Variants in HELZ2 observed in about 807,000 individuals in gnomAD.
HELZ2 encodes 3'-5' exoribonuclease HELZ2.
A neutral mutation model predicts 208.8 loss-of-function variants in HELZ2; 143 were observed. The ratio of observed to expected loss-of-function variants is 0.68; its 90% confidence interval spans 0.60 to 0.79. The LOEUF (loss-of-function observed/expected upper bound fraction) is 0.79, where lower values mean the gene tolerates loss of function less well. HELZ2 is among the 30% of genes least tolerant of loss of function. The pLI, the probability that HELZ2 is intolerant of heterozygous loss-of-function variation, is 0.00. For missense variants in HELZ2, 3,690 were observed against 3,794.5 expected (o/e 0.97, Z 0.72); for synonymous variants, 1,705 against 1,693.7 (o/e 1.01, Z -0.16).
chr20:63,562,211 G>A lies in HELZ2; in HGVS notation c.6398-8C>T, dbSNP rs1019789843. On this transcript the variant is annotated splice_region_variant and splice_polypyrimidine_tract_variant and intron_variant, in intron 9 of 18. Coordinates refer to ENST00000467148, the Ensembl canonical transcript of HELZ2. Reference sequence around the variant, plus strand: ...GGAACCTGCTGGGGATCACTGAGAGGGGGCAGCCTCCCTGAGCACTCATGC... The same window carrying A: ...GGAACCTGCTGGGGATCACTGAGAGAGGGCAGCCTCCCTGAGCACTCATGC... 6 of 1,611,690 alleles carry A rather than the reference G, an allele frequency of 3.7e-6. No individual in the cohort carries two copies. Among genetic ancestry groups the A allele is most frequent in the Non-Finnish European group, 3.4e-6 (4 of 1,179,672 alleles).
chr20:63,563,565 A>C (rs1463707587), exon 8 of HELZ2: 5 of 1,523,410 alleles, frequency 3.3e-6, no homozygotes. Context: ...AGCCGGAAGC[A>C]GCGGGAGCCC....
Position 63,561,813 on chromosome 20 carries a change from C to A in HELZ2, c.6691+10G>T. Reference sequence around the variant, plus strand: ...CTCCCCAAAGGCCCCCACCGCCGACCCCGGCGCACCTGCCAGGACATCCAC... The same window carrying A: ...CTCCCCAAAGGCCCCCACCGCCGACACCGGCGCACCTGCCAGGACATCCAC... On this transcript the variant is annotated intron_variant, in intron 11 of 18. Transcript: ENST00000467148. The A allele has an allele frequency of 6.4e-7, 1 of 1,555,498 alleles. No homozygotes were observed.
At chr20:63,559,188 T>TGGGGAGGGTG, downstream of HELZ2, 1 of 846,838 alleles carries the variant, frequency 1.2e-6, no homozygotes, top group South Asian at 2.6e-5. Context: ...GTGGGGAGGG[T>TGGGGAGGGTG]GGGGGGGCCC....
exon 17 of HELZ2, chr20:63,560,283 G>A: frequency 6.4e-7 from 1 of 1,562,594 alleles, no homozygotes; most frequent in Non-Finnish European, 8.6e-7. Flanking sequence ...CGATGTCCTG[G>A]GGCTCTACGG....
Position 63,569,577 on chromosome 20 carries a change from T to C in HELZ2, c.659A>G (p.Tyr220Cys), listed in dbSNP as rs202235461. The stretch of plus-strand genomic sequence containing the variant: ...CACACGGAAGCGCTCACCCCGTGCG[T>C]AGAGCCGGCCTGGCGGGAGGCCGGG... Residue 220 changes from tyrosine (Y) to cysteine (C), a missense_variant, in exon 4 of 19, where the codon TAC becomes TGC. Around this residue, in one of 3 missense-constraint regions of HELZ2, gnomAD observed 1,119 missense variants for 1,193.4 expected, o/e 0.94. Transcript: ENST00000467148. 5.0e-4 allele frequency: 795 copies of C among 1,587,916 alleles called. 1 individual carries two copies. The highest frequency in any genetic ancestry group is 6.0e-4 in the Non-Finnish European group (703 of 1,168,396).
rs369000582 is a variant in HELZ2 at position 63,564,570 on chromosome 20, G to A, written c.4252C>T (p.Leu1418Phe). 1,331 of 1,568,282 alleles carry A rather than the reference G, an allele frequency of 8.5e-4. 24 individuals carry two copies. In the South Asian group the frequency reaches 0.015, roughly 17 times the overall value. ...GCCAGGCGGTCCCGGCCAGGCAGGA[G>A]GCTGAGGACGTCCTGGCAGAGGCTG... is the stretch of plus-strand genomic sequence containing the variant. Residue 1418 changes from leucine (L) to phenylalanine (F), a missense_variant, in exon 8 of 19, where the codon CTC becomes TTC. Coordinates refer to ENST00000467148, the Ensembl canonical transcript of HELZ2.
At chr20:63,566,433 C>T (rs1164587136) in exon 7 of HELZ2, 10 of 1,548,324 alleles carry the variant, frequency 6.5e-6, no homozygotes, top group Admixed American at 2.0e-5. Context: ...GCCTCCTCAG[C>T]TCCTGCCTCA....
At chr20:63,565,155 C>G in exon 8 of HELZ2, 1 of 1,595,600 alleles carries the variant, frequency 6.3e-7, no homozygotes, top group East Asian at 2.3e-5. Flanking sequence ...ATCTTGGTCA[C>G]GGAGCCATTG....
chr20:63,568,368 G>A, exon 5 of HELZ2: 1 of 1,610,198 alleles, frequency 6.2e-7, no homozygotes, highest in Admixed American at 1.7e-5. Flanking sequence ...CTGTTGGTGT[G>A]TGTGCAGATG....
chr20:63,564,758 T>G (rs777183607), exon 8 of HELZ2: 1 of 1,611,886 alleles, frequency 6.2e-7, no homozygotes, highest in African/African-American at 1.3e-5. Flanking sequence ...ACTGAGGGCA[T>G]CATCGAGGTT....
chr20:63,565,071 C>T (rs2082936367), exon 8 of HELZ2: 1 of 1,563,268 alleles, frequency 6.4e-7, no homozygotes, highest in African/African-American at 1.4e-5. Context: ...CTCTCAAGCC[C>T]CACACGCTGC....
intron 5 of HELZ2, 171 bp downstream of exon 6, chr20:63,568,187 G>A (rs538752807): frequency 3.9e-5 from 24 of 622,894 alleles, no homozygotes; most frequent in African/African-American, 1.7e-4. Flanking sequence ...CAGCAGACCC[G>A]GCCACCCTCG....
rs2082866483 is a variant in HELZ2 at position 63,559,921 on chromosome 20, C to T, written c.7825+7G>A. The stretch of plus-strand genomic sequence containing the variant: ...CCCACCCTGGAAGAGCCCAGCCCCG[C>T]CCTCACCGATCAGGCAGAGCCCCTC... On this transcript the variant is annotated splice_region_variant and intron_variant, in intron 18 of 18. Transcript: ENST00000467148. 5 of 1,608,164 alleles carry T rather than the reference C, an allele frequency of 3.1e-6. No homozygotes were observed. The highest frequency in any genetic ancestry group is 4.2e-6 in the Non-Finnish European group (5 of 1,179,894).
intron 7 of HELZ2, 72 bp downstream of exon 8, chr20:63,566,306 G>T: frequency 6.6e-7 from 1 of 1,512,166 alleles, no homozygotes; most frequent in Non-Finnish European, 8.9e-7. Flanking sequence ...CCGATGCCAG[G>T]CTGAGGAGTG....
upstream of HELZ2, among the ~76,000 whole-genome samples, chr20:63,573,551 G>C (rs2083032966): frequency 6.6e-6 from 1 of 152,124 alleles, no homozygotes. This position sits in a 1 kb window ranked among gnomAD's most constrained non-coding sequence, Gnocchi z 4.9. Context: ...CCTTGGCACA[G>C]TGCCGCCCCC....
In HELZ2 at chr20:63,572,128, GGA is replaced by G. The variant is rs2083021300; in HGVS notation, c.256_257del (p.Ser86GlnfsTer9). Reference sequence around the variant, plus strand: ...CTTACTTTGGGCAGAGCTCGAACTTGGAGAGTCCCGGGGGTGGGGAACGGTGC... The same window carrying G: ...CTTACTTTGGGCAGAGCTCGAACTTGGAGTCCCGGGGGTGGGGAACGGTGC... On this transcript the variant is annotated frameshift_variant, in exon 1 of 19. Transcript: ENST00000467148. LOFTEE classifies it high-confidence loss of function. 3.1e-6 allele frequency: 5 copies of G among 1,611,014 alleles called. No homozygotes were observed. Among genetic ancestry groups the G allele is most frequent in the Non-Finnish European group, 3.4e-6 (4 of 1,179,270 alleles).
At chr20:63,565,849 C>G (rs1395631866) in exon 8 of HELZ2, 5 of 1,598,488 alleles carry the variant, frequency 3.1e-6, no homozygotes, top group Non-Finnish European at 4.2e-6. Flanking sequence ...TGGCCGTCAC[C>G]ACAGCCGCCT....
intron 1 of HELZ2, 79 bp from the exon 3 acceptor site, chr20:63,570,947 C>T (rs555033866): frequency 1.7e-5 from 20 of 1,158,992 alleles, no homozygotes; most frequent in South Asian, 1.2e-4. Flanking sequence ...CCCCTCAGCC[C>T]AATACTGGCC....
chr20:63,566,925 C>T lies in HELZ2; in HGVS notation c.2433G>A (p.Val811=), dbSNP rs773592302. 3.1e-6 allele frequency: 5 copies of T among 1,610,198 alleles called. No homozygotes were observed. The African/African-American group carries it at 4.0e-5, about 13-fold the overall frequency. ...TGGGCCAGGTGTTGTAGGCCTCCTG[C>T]ACCTTCTCGACGACCTGCGCAATCT... is the stretch of plus-strand genomic sequence containing the variant. The change falls in exon 6 of 19, where the codon GTG becomes GTA. Residue 811 remains valine (V), a synonymous_variant. Coordinates refer to ENST00000467148, the Ensembl canonical transcript of HELZ2.
Sources: gnomAD v4.1 joint callset for allele counts (sites outside exome capture counted in the v4.1 genomes callset) on GRCh38, gnomAD v4.1.1 for gene constraint, gnomAD v4.1.1 regional missense constraint, Gnocchi (gnomAD v3.1) non-coding constraint, MANE v1.5 for transcripts, NCBI Gene and HGNC (gene_info 2026-07-23, HGNC 2026-07-21) for gene names.